The following LDB2 variants were observed in gnomAD, a reference collection of about 807,000 sequenced individuals.
LDB2 encodes LIM domain-binding protein 2.
Under a neutral mutation model 44.3 loss-of-function variants are expected in LDB2, and 12 were observed. That is an observed-to-expected ratio of 0.27 (90% CI 0.17 to 0.44). LDB2 has a LOEUF of 0.44. Ranked by LOEUF, LDB2 falls within the 20% of genes least tolerant of loss-of-function variation. The pLI is 1.00. For synonymous variants in LDB2, 164 were observed against 174.8 expected, an observed-to-expected ratio of 0.94 and a Z score of 0.49; for missense variants, 344 against 473.5, an observed-to-expected ratio of 0.73 and a Z score of 2.54.
chr4:16,763,923 A>C (rs1477084638), intron 1 of LDB2, among the ~76,000 whole-genome samples: 2 of 152,120 alleles, frequency 1.3e-5, no homozygotes, highest in Admixed American at 1.3e-4. Context: ...GACTAAACAG[A>C]AACTGCCCGG....
chr4:16,699,820 G>A (rs188849396), intron 2 of LDB2, among the ~76,000 whole-genome samples: 20 of 152,262 alleles, frequency 1.3e-4, no homozygotes, highest in Non-Finnish European at 2.1e-4. Context: ...GTGCCTCAGA[G>A]GGACGAGAAT....
At chr4:16,633,444 A>G (rs1397674942) in intron 2 of LDB2, among the ~76,000 whole-genome samples, 1 of 152,186 alleles carries the variant, frequency 6.6e-6, no homozygotes, top group East Asian at 1.9e-4. Context: ...AATAAAAAAA[A>G]TCACAAGCAT....
chr4:16,750,821 A>G (rs1023814245), intron 2 of LDB2: 1 of 152,200 alleles, frequency 6.6e-6, no homozygotes, highest in Non-Finnish European at 1.5e-5. Flanking sequence ...CAAAAAGATA[A>G]TAAGTTGGAG....
At chr4:16,814,579 A>G (rs1371280222) in intron 1 of LDB2, among the ~76,000 whole-genome samples, 2 of 152,230 alleles carry the variant, frequency 1.3e-5, no homozygotes, top group African/African-American at 4.8e-5. Flanking sequence ...TCAAGTTAAC[A>G]GGAGTCACAT....
intron 1 of LDB2, among the ~76,000 whole-genome samples, chr4:16,809,830 C>T (rs947184063): frequency 6.6e-6 from 1 of 152,056 alleles, no homozygotes; most frequent in African/African-American, 2.4e-5. Flanking sequence ...ATTGATGTGT[C>T]AATGCATGTT....
At chr4:16,727,389 G>A (rs528078164) in intron 2 of LDB2, among the ~76,000 whole-genome samples, 2 of 152,196 alleles carry the variant, frequency 1.3e-5, no homozygotes, top group Non-Finnish European at 2.9e-5. Flanking sequence ...CCCACATGCA[G>A]GTCTAGGTGC....
intron 1 of LDB2, among the ~76,000 whole-genome samples, chr4:16,857,351 T>C (rs2110229868): frequency 6.6e-6 from 1 of 152,326 alleles, no homozygotes; most frequent in Admixed American, 6.5e-5. Context: ...GCCACCATCC[T>C]TGCTAGTCTG....
At chr4:16,505,013 A>G (rs1229409763) in intron 7 of LDB2, among the ~76,000 whole-genome samples, 2 of 152,230 alleles carry the variant, frequency 1.3e-5, no homozygotes, top group Admixed American at 1.3e-4. Context: ...ATGGGAGAGT[A>G]TGAGGAAGCA....
At chr4:16,834,139 T>C (rs536576743) in intron 1 of LDB2, among the ~76,000 whole-genome samples, 1 of 152,362 alleles carries the variant, frequency 6.6e-6, no homozygotes, top group Admixed American at 6.5e-5. Context: ...TTTACTAATG[T>C]TCTGCCTCCT....
intron 1 of LDB2, among the ~76,000 whole-genome samples, chr4:16,870,782 G>A (rs541829538): frequency 2.1e-4 from 32 of 152,084 alleles, no homozygotes; most frequent in Admixed American, 3.3e-4. Flanking sequence ...ACAGGTGTCC[G>A]CCACCACACC....
chr4:16,535,544 G>A (rs571764609), intron 5 of LDB2, among the ~76,000 whole-genome samples: 2 of 152,252 alleles, frequency 1.3e-5, no homozygotes, highest in African/African-American at 4.8e-5. Flanking sequence ...ACTCTTATGG[G>A]GGAAGAACAC....
chr4:16,721,144 G>C (rs903053013), intron 2 of LDB2, among the ~76,000 whole-genome samples: 1 of 152,156 alleles, frequency 6.6e-6, no homozygotes, highest in Non-Finnish European at 1.5e-5. Context: ...AAATGACTGA[G>C]TAAGTGTATG....
chr4:16,544,359 A>G (rs1433530962), intron 5 of LDB2, among the ~76,000 whole-genome samples: 1 of 152,156 alleles, frequency 6.6e-6, no homozygotes, highest in Non-Finnish European at 1.5e-5. Context: ...TGATGGAGAC[A>G]TGGGGGTGGC....
intron 2 of LDB2, among the ~76,000 whole-genome samples, chr4:16,748,567 T>G (rs1657613034): frequency 6.6e-6 from 1 of 152,198 alleles, no homozygotes; most frequent in South Asian, 2.1e-4. Context: ...CTTCAACAAA[T>G]GCTTTATTTT....
intron 5 of LDB2, among the ~76,000 whole-genome samples, chr4:16,522,295 T>G (rs1726503204): frequency 6.6e-6 from 1 of 152,082 alleles, no homozygotes; most frequent in Admixed American, 6.6e-5. Context: ...TGTGTGTGTG[T>G]GTATGTATGT....
Position 16,718,667 on chromosome 4 carries a change from C to G in LDB2, c.235+40491G>C, listed in dbSNP as rs557617850. On this transcript the variant is annotated intron_variant, in intron 2 of 7. Coordinates refer to ENST00000304523, the MANE Select transcript of LDB2 (RefSeq NM_001290.5). ...TCAACAATTTGAGAATCACGGAGTA[C>G]TTCCTACCCTAGAGATTCATGACAA... Among the ~76,000 whole-genome samples, 1,389 of 152,230 alleles carry G rather than the reference C, an allele frequency of 9.1e-3. 8 individuals carry two copies. Among genetic ancestry groups the G allele is most frequent in the Non-Finnish European group, 0.014 (971 of 67,990 alleles).
At chr4:16,664,646 T>TA (rs796308579) in intron 2 of LDB2, among the ~76,000 whole-genome samples, 1 of 152,222 alleles carries the variant, frequency 6.6e-6, no homozygotes, top group African/African-American at 2.4e-5. Flanking sequence ...ATGTGATTAC[T>TA]AAAAAAATCT....
intron 1 of LDB2, among the ~76,000 whole-genome samples, chr4:16,851,887 A>G (rs901316531): frequency 1.3e-5 from 2 of 152,228 alleles, no homozygotes; most frequent in Non-Finnish European, 2.9e-5. Context: ...ACAATCTGAG[A>G]AACATGAGCC....
At chr4:16,514,657 A>G (rs1722980048) in intron 5 of LDB2, among the ~76,000 whole-genome samples, 1 of 152,238 alleles carries the variant, frequency 6.6e-6, no homozygotes, top group African/African-American at 2.4e-5. Context: ...TCTCTGGAAG[A>G]CAATAAGATT....
Sources: allele counts gnomAD v4.1 joint callset (sites outside exome capture counted in the v4.1 genomes callset), GRCh38; gene constraint gnomAD v4.1.1; transcripts MANE v1.5; gene names NCBI Gene and HGNC (gene_info 2026-07-23, HGNC 2026-07-21).